Variants in PCDH15 observed in about 807,000 individuals in gnomAD.
PCDH15 encodes protocadherin related 15, also known as protocadherin-15.
In PCDH15, 129 loss-of-function variants were observed where a neutral mutation model predicts 178.5. The observed-to-expected ratio is 0.72, with a 90% CI of 0.63 to 0.84. The LOEUF is 0.84. Among genes scored for constraint, PCDH15 ranks in the 40% least tolerant of loss-of-function variants. PCDH15 has a pLI of 0.00. For synonymous variants in PCDH15, 800 were observed against 732.0 expected (o/e 1.09, Z -1.50); for missense variants, 2,230 against 2,099.9 (o/e 1.06, Z -1.21).
At chr10:55,393,316 A>G (rs1348296392) in intron 2 of PCDH15, among the ~76,000 whole-genome samples, 1 of 152,174 alleles carries the variant, frequency 6.6e-6, no homozygotes, top group East Asian at 1.9e-4. Flanking sequence ...CCCTGGTAAT[A>G]ACATTAGTCT....
chr10:54,566,093 A>C (rs12414303), intron 2 of PCDH15, among the ~76,000 whole-genome samples: 26,944 of 152,074 alleles, frequency 0.18, 2,480 homozygotes, highest in South Asian at 0.19. Flanking sequence ...TCAATAAATA[A>C]ATACATACAT....
chr10:55,385,157 A>T (rs776427608), intron 2 of PCDH15, among the ~76,000 whole-genome samples: 1 of 152,128 alleles, frequency 6.6e-6, no homozygotes, highest in Non-Finnish European at 1.5e-5. Context: ...AAATAAAGAA[A>T]ATTTACGTGT....
intron 2 of PCDH15, among the ~76,000 whole-genome samples, chr10:55,017,201 C>T (rs1366597242): frequency 6.6e-6 from 1 of 152,118 alleles, no homozygotes; most frequent in Non-Finnish European, 1.5e-5. Context: ...AAGTCAGCCA[C>T]AGAAGAAAGG....
chr10:54,182,269 A>G (rs1043083517), intron 13 of PCDH15, among the ~76,000 whole-genome samples: 2 of 152,180 alleles, frequency 1.3e-5, no homozygotes, highest in African/African-American at 2.4e-5. Context: ...GCCCAGCTGC[A>G]TTGAATGATT....
chr10:55,314,219 A>G (rs1843664887), intron 1 of PCDH15, among the ~76,000 whole-genome samples: 1 of 146,040 alleles, frequency 6.8e-6, no homozygotes, highest in East Asian at 2.0e-4. Flanking sequence ...ATATATATAT[A>G]TGTAATGATA....
intron 1 of PCDH15, among the ~76,000 whole-genome samples, chr10:55,299,794 A>C (rs561442219): frequency 5.9e-5 from 9 of 152,284 alleles, no homozygotes; most frequent in Middle Eastern, 3.4e-3. Context: ...ACCAAATGGC[A>C]ACAGGCAAGA....
At chr10:55,305,128 C>G (rs996293319) in intron 1 of PCDH15, among the ~76,000 whole-genome samples, 5 of 152,156 alleles carry the variant, frequency 3.3e-5, no homozygotes, top group African/African-American at 1.2e-4. Context: ...AGTGAACATT[C>G]TGATCTATCT....
chr10:53,893,097 G>T (rs1357064256), intron 26 of PCDH15, among the ~76,000 whole-genome samples: 1 of 152,034 alleles, frequency 6.6e-6, no homozygotes, highest in Non-Finnish European at 1.5e-5. Flanking sequence ...ATTTGACTTT[G>T]AGTGTCGGTG....
chr10:54,435,977 TGAAA>T (rs1273265345), intron 3 of PCDH15, among the ~76,000 whole-genome samples: 1 of 98,316 alleles, frequency 1.0e-5, no homozygotes, highest in Non-Finnish European at 2.1e-5. Context: ...CTTAAAAAAA[TGAAA>T]GAAAGAAAAG....
chr10:54,310,560 A>G (rs942166525), intron 8 of PCDH15, among the ~76,000 whole-genome samples: 2 of 152,066 alleles, frequency 1.3e-5, no homozygotes, highest in African/African-American at 4.8e-5. Context: ...AGAATTGGAT[A>G]GAAAGAATAA....
intron 2 of PCDH15, among the ~76,000 whole-genome samples, chr10:54,999,654 C>G (rs1236825391): frequency 6.6e-6 from 1 of 152,268 alleles, no homozygotes. Context: ...AGCTCTGCCC[C>G]CTACTGAGTT....
In PCDH15 at chr10:54,664,154, A is replaced by G; in HGVS notation, c.91+18T>C. ...AAATCCTGGCTCGCTCTAAAGGTCA[A>G]GCTAAAAGCAACCTTACCATCATCA... On this transcript the variant is annotated intron_variant, in intron 2 of 37. Coordinates refer to ENST00000644397, the MANE Select transcript of PCDH15 (RefSeq NM_001384140.1). The G allele has an allele frequency of 6.3e-7, 1 of 1,598,212 alleles. No homozygotes were observed. The highest frequency in any genetic ancestry group is 8.6e-7 in the Non-Finnish European group (1 of 1,166,636).
intron 3 of PCDH15, among the ~76,000 whole-genome samples, chr10:54,525,348 T>C (rs1199552152): frequency 6.6e-6 from 1 of 152,214 alleles, no homozygotes; most frequent in Non-Finnish European, 1.5e-5. Context: ...TGAGTGCTCA[T>C]CATTCTGGTA....
At chr10:54,820,148 G>C (rs1953014019) in intron 3 of PCDH15, among the ~76,000 whole-genome samples, 1 of 151,846 alleles carries the variant, frequency 6.6e-6, no homozygotes, top group Non-Finnish European at 1.5e-5. Context: ...GTAGGACAGG[G>C]AAACTTACCA....
chr10:53,860,289 G>C (rs2079017011), intron 27 of PCDH15, among the ~76,000 whole-genome samples: 1 of 152,148 alleles, frequency 6.6e-6, no homozygotes, highest in Non-Finnish European at 1.5e-5. Flanking sequence ...GGAACACACA[G>C]TCGATTTCTC....
upstream of PCDH15, among the ~76,000 whole-genome samples, chr10:55,324,373 C>T (rs554196238): frequency 6.6e-6 from 1 of 152,092 alleles, no homozygotes; most frequent in South Asian, 2.1e-4. Context: ...CACGCATAGA[C>T]TCAAAGTAAA....
At chr10:54,814,796 G>A (rs957665478) in intron 3 of PCDH15, among the ~76,000 whole-genome samples, 4 of 152,148 alleles carry the variant, frequency 2.6e-5, no homozygotes, top group South Asian at 2.1e-4. Context: ...CATGCTTAGC[G>A]TTCCAATCAT....
intron 2 of PCDH15, among the ~76,000 whole-genome samples, chr10:54,662,166 T>A (rs528587385): frequency 3.8e-4 from 57 of 151,834 alleles, no homozygotes; most frequent in African/African-American, 1.3e-3. Flanking sequence ...TGACAAAAGA[T>A]TTATGTCCGA....
chr10:55,576,874 G>C (rs1842506858), intron 2 of PCDH15, among the ~76,000 whole-genome samples: 1 of 152,132 alleles, frequency 6.6e-6, no homozygotes, highest in Non-Finnish European at 1.5e-5. Context: ...CAAATTCATT[G>C]TAATGTCAAA....
Sources: allele counts gnomAD v4.1 joint callset (sites outside exome capture counted in the v4.1 genomes callset), GRCh38; gene constraint gnomAD v4.1.1; transcripts MANE v1.5; gene names NCBI Gene and HGNC (gene_info 2026-07-23, HGNC 2026-07-21).